Variants in MUC13 observed in about 807,000 individuals in gnomAD.
MUC13 encodes mucin 13, cell surface associated, also known as mucin-13.
In MUC13, 32 loss-of-function variants were observed where a neutral mutation model predicts 48.3. The ratio of observed to expected loss-of-function variants is 0.66; its 90% confidence interval spans 0.50 to 0.89. The LOEUF (loss-of-function observed/expected upper bound fraction) is 0.89, where lower values mean the gene tolerates loss of function less well. Among genes scored for constraint, MUC13 ranks in the 40% least tolerant of loss-of-function variants. The pLI is 0.00. For missense variants in MUC13, 571 were observed against 622.8 expected, an observed-to-expected ratio of 0.92 and a Z score of 0.88; for synonymous variants, 199 against 224.9, an observed-to-expected ratio of 0.88 and a Z score of 1.03.
At chr3:124,922,896 A>G (rs1443567681) in intron 3 of MUC13, among the ~76,000 whole-genome samples, 6 of 152,194 alleles carry the variant, frequency 3.9e-5, no homozygotes, top group Non-Finnish European at 7.4e-5. Context: ...AAAAGTTGCA[A>G]TGAACATCTT....
intron 9 of MUC13, among the ~76,000 whole-genome samples, 188 bp downstream of exon 9, chr3:124,911,916 C>T (rs1023467797): frequency 5.3e-5 from 8 of 152,160 alleles, no homozygotes; most frequent in African/African-American, 1.9e-4. Flanking sequence ...GGCAGAGGGG[C>T]TGCTGTTCAT....
intron 5 of MUC13, among the ~76,000 whole-genome samples, chr3:124,918,161 A>G (rs551825049): frequency 2.0e-5 from 3 of 152,272 alleles, no homozygotes; most frequent in South Asian, 2.1e-4. Context: ...CAACATTGCT[A>G]TAGTAGGAAA....
At chr3:124,915,858 T>C (rs1304429050) in intron 6 of MUC13, among the ~76,000 whole-genome samples, 1 of 152,074 alleles carries the variant, frequency 6.6e-6, no homozygotes, top group Non-Finnish European at 1.5e-5. Context: ...GCTAATTTTT[T>C]GTAGAGATGG....
At chr3:124,911,602 G>A (rs1935420849) in intron 9 of MUC13, among the ~76,000 whole-genome samples, 2 of 149,144 alleles carry the variant, frequency 1.3e-5, no homozygotes, top group African/African-American at 4.9e-5. Flanking sequence ...AGTTAGTATT[G>A]TCTTAATCTG....
In MUC13 at chr3:124,927,851, T is replaced by C. The variant is rs1207400617; in HGVS notation, c.195A>G (p.Thr65=). The part of the protein sequence containing the change: ...STTANTPSFP[T]ATSPAPPIIS... ...TTATGGGGGGAGCAGGTGAAGTAGC[T>C]GTTGGGAAAGAAGGTGTATTTGCTG... The change falls in exon 2 of 12, where the codon ACA becomes ACG. Residue 65 remains threonine, a synonymous_variant. Transcript: ENST00000616727. 6.2e-7 allele frequency: 1 copy of C among 1,613,904 alleles called. No homozygotes were observed. Among genetic ancestry groups the C allele is most frequent in the African/African-American group, 1.3e-5 (1 of 74,874 alleles).
chr3:124,913,129 G>A lies in MUC13; in HGVS notation c.1196C>T (p.Ala399Val). The A allele has an allele frequency of 6.2e-7, 1 of 1,613,906 alleles. No homozygotes were observed. Residue 399 changes from alanine (A) to valine (V), a missense_variant, in exon 8 of 12, where the codon GCT (alanine) becomes GTT (valine). By Grantham distance (64) the Ala-to-Val change is moderately conservative. Transcript: ENST00000616727. ...TTCTTACTTTTGGCAGTTCCCATTA[G>A]CATCTTCCTGGTAGCCGGGCACGCA... The part of the protein sequence containing the change: ...CACVPGYQED[A>V]NGNCQKCAFG...
intron 4 of MUC13, 105 bp from the exon 5 acceptor site, chr3:124,920,394 C>T (rs1422096829): frequency 3.4e-6 from 3 of 872,764 alleles, no homozygotes; most frequent in Non-Finnish European, 5.4e-6. Flanking sequence ...TAGCTTTTAA[C>T]AGGATCCAAC....
At chr3:124,911,994 A>T in intron 9 of MUC13, 110 bp downstream of exon 9, 1 of 1,424,674 alleles carries the variant, frequency 7.0e-7, no homozygotes, top group South Asian at 1.4e-5. Flanking sequence ...CTCTCTCTTT[A>T]TGAAAGAGGA....
chr3:124,908,035 A>C, intron 11 of MUC13, 112 bp downstream of exon 11: 1 of 1,016,850 alleles, frequency 9.8e-7, no homozygotes, highest in Non-Finnish European at 1.4e-6. Context: ...AATTAAGAAA[A>C]AGAAAAAGAA....
intron 10 of MUC13, 59 bp from the exon 11 acceptor site, chr3:124,908,407 G>A: frequency 7.9e-7 from 1 of 1,272,488 alleles, no homozygotes; most frequent in Non-Finnish European, 1.1e-6. Context: ...TGAAGTAAAT[G>A]TTAATGTTCT....
rs1259249030 is a variant in MUC13 at position 124,906,071 on chromosome 3, T to C, written c.*672A>G. On this transcript the variant is annotated 3_prime_UTR_variant, in exon 12 of 12. Coordinates refer to ENST00000616727, the MANE Select transcript of MUC13 (RefSeq NM_033049.4). ...TAGTGGACATTTTTAGTCCAGGCCT[T>C]CTAATTAGCATCAAAAAGTTCCTGG... is the stretch of plus-strand genomic sequence containing the variant. 1.3e-5 allele frequency: 2 copies of C among 152,610 alleles called. No individual in the cohort carries two copies. Among genetic ancestry groups the C allele is most frequent in the African/African-American group, 4.8e-5 (2 of 41,442 alleles). The allele number at this position is 152,610 out of a possible 1,614,324, so 9.5% of individuals were successfully genotyped here. A position where few individuals can be genotyped will look rare whatever the true frequency, so the allele number is the denominator to read the frequency against.
Position 124,934,716 on chromosome 3 carries a change from A to T in MUC13, c.-4T>A. 1 of 1,609,316 alleles carries T rather than the reference A, an allele frequency of 6.2e-7. No homozygotes were observed. Among genetic ancestry groups the T allele is most frequent in the Non-Finnish European group, 8.5e-7 (1 of 1,175,840 alleles). ...TAAGATGAATGATGGCTTTCATTTT[A>T]GCTGTTCTTGCTTGGTAATCTGAGG... On this transcript the variant is annotated 5_prime_UTR_variant, in exon 1 of 12. Coordinates refer to ENST00000616727, the MANE Select transcript of MUC13 (RefSeq NM_033049.4).
chr3:124,927,803 T>C lies in MUC13; in HGVS notation c.243A>G (p.Thr81=). 2 of 1,614,058 alleles carry C rather than the reference T, an allele frequency of 1.2e-6. No homozygotes were observed. The highest frequency in any genetic ancestry group is 1.7e-6 in the Non-Finnish European group (2 of 1,180,016). ...PPIISTHSSS[T]IPTPAPPIIS... is the part of the protein sequence containing the mutation. ...TTATGGGGGGAGCAGGTGTAGGAAT[T>C]GTGGAGGAACTATGTGTACTAATTA... Residue 81 remains threonine (T), a synonymous_variant, in exon 2 of 12, where the codon ACA becomes ACG. Transcript: ENST00000616727.
chr3:124,915,464 C>A (rs1340734786), intron 6 of MUC13, among the ~76,000 whole-genome samples: 2 of 152,152 alleles, frequency 1.3e-5, no homozygotes, highest in African/African-American at 4.8e-5. Flanking sequence ...AGAGACAAAC[C>A]ATTTATACCC....
At chr3:124,931,374 C>T (rs938863333) in intron 1 of MUC13, among the ~76,000 whole-genome samples, 3 of 147,088 alleles carry the variant, frequency 2.0e-5, no homozygotes, top group Non-Finnish European at 4.5e-5. Flanking sequence ...GAGGTTGCAG[C>T]GAGCCAAGAT....
intron 9 of MUC13, 39 bp from the exon 10 acceptor site, chr3:124,910,538 C>T (rs878958459): frequency 1.2e-6 from 2 of 1,611,586 alleles, no homozygotes; most frequent in South Asian, 1.1e-5. Context: ...CTCCAACAAG[C>T]TGGCCCCCAA....
At chr3:124,919,354 TG>T (rs1435487412) in intron 5 of MUC13, among the ~76,000 whole-genome samples, 72 of 103,418 alleles carry the variant, frequency 7.0e-4, no homozygotes, top group Admixed American at 3.4e-3. Flanking sequence ...AAAAAAAAAA[TG>T]GTTTTTTTTT....
In MUC13 at chr3:124,908,277, C is replaced by T. The variant is rs747149789; in HGVS notation, c.1409G>A (p.Arg470Gln). ...IDEDFQNLKL[R>Q]STGFTNLGAE... ...TCCAAGATTGGTGAAGCCTGTCGAC[C>T]GCAGTTTTAGATTTTGAAAGTCTTC... The change falls in exon 11 of 12, where the codon CGG becomes CAG. Residue 470 changes from arginine to glutamine, a missense_variant. Transcript: ENST00000616727. 2.2e-5 allele frequency: 36 copies of T among 1,614,140 alleles called. No individual in the cohort carries two copies. The highest frequency in any genetic ancestry group is 2.9e-5 in the Non-Finnish European group (34 of 1,180,038).
At chr3:124,907,850 T>A (rs1189590000) in intron 11 of MUC13, among the ~76,000 whole-genome samples, 1 of 152,074 alleles carries the variant, frequency 6.6e-6, no homozygotes, top group Non-Finnish European at 1.5e-5. Flanking sequence ...TGGAGTCGTA[T>A]TCATGGAGTT....
Sources: allele counts gnomAD v4.1 joint callset (sites outside exome capture counted in the v4.1 genomes callset), GRCh38; gene constraint gnomAD v4.1.1; transcripts MANE v1.5; gene names NCBI Gene and HGNC (gene_info 2026-07-23, HGNC 2026-07-21).